The following AFG2A variants were observed in gnomAD, a reference collection of about 807,000 sequenced individuals.
AFG2A encodes the protein AAA ATPase AFG2A.
chr4:123,276,982 A>G, the AFG2A span, among the ~76,000 whole-genome samples: 4 of 152,142 alleles, frequency 2.6e-5, no homozygotes, highest in African/African-American at 9.7e-5. Context: ...TTGGTTTTGC[A>G]TGAATTTTAA....
the AFG2A span, among the ~76,000 whole-genome samples, chr4:123,232,261 AAAGTT>A: frequency 6.6e-6 from 1 of 152,030 alleles, no homozygotes; most frequent in Non-Finnish European, 1.5e-5. Flanking sequence ...GAAAAAGAAG[AAAGTT>A]AAGTATAAGC....
At chr4:123,185,889 T>TA in the AFG2A span, among the ~76,000 whole-genome samples, 967 of 143,094 alleles carry the variant, frequency 6.8e-3, 11 homozygotes, top group African/African-American at 0.022. Context: ...AGACTCCGTC[T>TA]AAAAAAAAAA....
the AFG2A span, among the ~76,000 whole-genome samples, chr4:123,300,804 T>G: frequency 6.6e-6 from 1 of 151,950 alleles, no homozygotes; most frequent in Non-Finnish European, 1.5e-5. Flanking sequence ...TAGGTTTCTC[T>G]TCATGTCGAT....
At chr4:123,101,895 G>A in the AFG2A span, among the ~76,000 whole-genome samples, 2 of 151,924 alleles carry the variant, frequency 1.3e-5, no homozygotes, top group African/African-American at 2.4e-5. Flanking sequence ...AGCAATGGAA[G>A]AGTAAAGGCA....
chr4:123,014,854 C>A, the AFG2A span, among the ~76,000 whole-genome samples: 1 of 152,152 alleles, frequency 6.6e-6, no homozygotes, highest in Non-Finnish European at 1.5e-5. Context: ...TAAAGAGCAA[C>A]AAATCCCAAC....
At chr4:123,178,714 A>G in the AFG2A span, among the ~76,000 whole-genome samples, 3 of 152,198 alleles carry the variant, frequency 2.0e-5, no homozygotes, top group Non-Finnish European at 4.4e-5. Flanking sequence ...GCTGTTTTTT[A>G]TAAATTGTCC....
the AFG2A span, among the ~76,000 whole-genome samples, chr4:122,957,568 C>T: frequency 1.3e-5 from 2 of 152,290 alleles, no homozygotes; most frequent in South Asian, 4.1e-4. Flanking sequence ...AACATTCATT[C>T]TGCATGGTAG....
chr4:123,136,842 CAAAA>C, the AFG2A span, among the ~76,000 whole-genome samples: 1 of 110,488 alleles, frequency 9.1e-6, no homozygotes. Context: ...AACTCCATCT[CAAAA>C]AAAAAAAAAA....
chr4:122,969,019 C>T, the AFG2A span, among the ~76,000 whole-genome samples: 1 of 151,596 alleles, frequency 6.6e-6, no homozygotes, highest in African/African-American at 2.4e-5. Flanking sequence ...AGTTGTGAGA[C>T]CTTTGTTAGA....
At chr4:123,289,710 T>C in the AFG2A span, among the ~76,000 whole-genome samples, 1 of 152,206 alleles carries the variant, frequency 6.6e-6, no homozygotes, top group Non-Finnish European at 1.5e-5. Context: ...GTCTTTTTAG[T>C]AACAGCTATT....
chr4:122,989,200 T>C, the AFG2A span, among the ~76,000 whole-genome samples: 1 of 152,352 alleles, frequency 6.6e-6, no homozygotes, highest in East Asian at 1.9e-4. Context: ...TTATTGTCTG[T>C]GCATGTGAAA....
At chr4:123,185,238 G>A in the AFG2A span, among the ~76,000 whole-genome samples, 4 of 151,888 alleles carry the variant, frequency 2.6e-5, no homozygotes, top group Non-Finnish European at 4.4e-5. Flanking sequence ...TGTTTATCTC[G>A]TTTAATTTTT....
the AFG2A span, among the ~76,000 whole-genome samples, chr4:123,051,343 T>G: frequency 1.3e-5 from 2 of 151,856 alleles, no homozygotes; most frequent in Non-Finnish European, 2.9e-5. Context: ...CAACTTAACT[T>G]TGATTGCAAG....
At chr4:123,139,245 TAGCAATCA>T in the AFG2A span, among the ~76,000 whole-genome samples, 1 of 152,114 alleles carries the variant, frequency 6.6e-6, no homozygotes, top group Non-Finnish European at 1.5e-5. Flanking sequence ...CCTGATTCTG[TAGCAATCA>T]CTGTCTTGTT....
the AFG2A span, among the ~76,000 whole-genome samples, chr4:123,163,003 G>A: frequency 1.3e-5 from 2 of 152,180 alleles, no homozygotes; most frequent in Non-Finnish European, 2.9e-5. Context: ...ATGCTACATA[G>A]ATGCAAATGG....
At chr4:123,037,815 C>T in the AFG2A span, among the ~76,000 whole-genome samples, 1 of 152,030 alleles carries the variant, frequency 6.6e-6, no homozygotes, top group African/African-American at 2.4e-5. Flanking sequence ...TAACTTTCAT[C>T]TAAAATCTTA....
chr4:123,028,286 G>A, the AFG2A span: 3 of 1,614,150 alleles, frequency 1.9e-6, no homozygotes, highest in African/African-American at 1.3e-5. Flanking sequence ...ATTCGAATGG[G>A]TATTCAGCCA....
the AFG2A span, among the ~76,000 whole-genome samples, chr4:123,179,015 C>A: frequency 1.3e-5 from 2 of 152,196 alleles, no homozygotes; most frequent in South Asian, 2.1e-4. Flanking sequence ...CACAATTGTA[C>A]ATGCACATGC....
the AFG2A span, among the ~76,000 whole-genome samples, chr4:123,288,775 G>A: frequency 7.5e-3 from 1,143 of 152,176 alleles, 13 homozygotes; most frequent in African/African-American, 0.026. Context: ...TCTCAAGGCC[G>A]ACCTCATTCC....
Sources: gnomAD v4.1 joint callset for allele counts (sites outside exome capture counted in the v4.1 genomes callset) on GRCh38, gnomAD v4.1.1 for gene constraint, MANE v1.5 for transcripts, NCBI Gene and HGNC (gene_info 2026-07-23, HGNC 2026-07-21) for gene names.